The following EPHA5 variants were observed in gnomAD, a reference collection of about 807,000 sequenced individuals.
The protein encoded by EPHA5 is EPH receptor A5, also known as ephrin type-A receptor 5.
In EPHA5, 60 loss-of-function variants were observed where a neutral mutation model predicts 105.0. That is an observed-to-expected ratio of 0.57 (90% CI 0.46 to 0.71). The LOEUF is 0.71. EPHA5 is among the 30% of genes least tolerant of loss of function. The pLI is 0.00. For synonymous variants in EPHA5, 513 were observed against 449.1 expected (o/e 1.14, Z -1.80); for missense variants, 1,218 against 1,274.7 (o/e 0.96, Z 0.68).
intron 3 of EPHA5, among the ~76,000 whole-genome samples, chr4:65,580,815 T>C (rs992652621): frequency 1.8e-4 from 27 of 150,696 alleles, no homozygotes; most frequent in African/African-American, 6.3e-4. Flanking sequence ...CTTTGAAACA[T>C]CTACTTATTT....
intron 3 of EPHA5, among the ~76,000 whole-genome samples, chr4:65,554,761 A>G (rs1184240916): frequency 2.0e-5 from 3 of 151,788 alleles, no homozygotes; most frequent in African/African-American, 7.2e-5. Flanking sequence ...GAATTAGAGA[A>G]TTATTTTTCA....
chr4:65,389,161 A>C (rs576876447), intron 8 of EPHA5, among the ~76,000 whole-genome samples: 1 of 152,076 alleles, frequency 6.6e-6, no homozygotes, highest in African/African-American at 2.4e-5. Context: ...CCTTGCAGCA[A>C]ATTAGGAAAA....
chr4:65,491,784 CTTATTTGTATA>C (rs1413128530), intron 4 of EPHA5, among the ~76,000 whole-genome samples: 3 of 151,888 alleles, frequency 2.0e-5, no homozygotes, highest in Admixed American at 1.3e-4. Flanking sequence ...GTAACCATAT[CTTATTTGTATA>C]TTATTTTAAT....
chr4:65,328,873 T>A (rs1868846), intron 16 of EPHA5, among the ~76,000 whole-genome samples: 99,815 of 150,952 alleles, frequency 0.66, 35,332 homozygotes, highest in Non-Finnish European at 0.8. Context: ...AGTTAATAAA[T>A]CTATTTCAAT....
At chr4:65,626,463 TTTG>T (rs1267471258) in intron 2 of EPHA5, among the ~76,000 whole-genome samples, 1 of 152,188 alleles carries the variant, frequency 6.6e-6, no homozygotes, top group Non-Finnish European at 1.5e-5. Flanking sequence ...CAAATTTCAT[TTTG>T]TTGTAAACCT....
At chr4:65,498,262 A>G in intron 3 of EPHA5, among the ~76,000 whole-genome samples, 1 of 151,942 alleles carries the variant, frequency 6.6e-6, no homozygotes, top group East Asian at 1.9e-4. Flanking sequence ...ACCAGGCCAC[A>G]AAAACCTTAC....
At position 65,409,243 on chromosome 4, in the gene EPHA5, T is replaced by A. The variant is rs1433492227; in HGVS notation, c.1688-4764A>T. Among the ~76,000 whole-genome samples the A allele has an allele frequency of 1.6e-5, 2 of 126,630 alleles. 1 individual carries two copies. The highest frequency in any genetic ancestry group is 5.1e-4 in the East Asian group (2 of 3,940). The allele number at this position is 126,630 out of a possible 152,430, so 83.1% of individuals were successfully genotyped here. A position where few individuals can be genotyped will look rare whatever the true frequency, so the allele number is the denominator to read the frequency against. On this transcript the variant is annotated intron_variant, in intron 7 of 16. Coordinates refer to ENST00000613740, the MANE Select transcript of EPHA5 (RefSeq NM_001281766.3). ...ACTGGGAGATATACCTAATGCTAGA[T>A]GACGAGTTAGTGGGTGCAGCGCACC...
intron 5 of EPHA5, among the ~76,000 whole-genome samples, chr4:65,445,437 T>G (rs1034051757): frequency 6.6e-6 from 1 of 152,276 alleles, no homozygotes; most frequent in Non-Finnish European, 1.5e-5. Flanking sequence ...AAATGATGAA[T>G]AGCTGGAAGC....
At chr4:65,501,102 G>T (rs1008116739) in intron 3 of EPHA5, among the ~76,000 whole-genome samples, 7 of 151,308 alleles carry the variant, frequency 4.6e-5, no homozygotes, top group African/African-American at 1.5e-4. Flanking sequence ...TTTAGTGTGG[G>T]TTTAAAATAT....
At chr4:65,500,693 T>C (rs868482961) in intron 3 of EPHA5, among the ~76,000 whole-genome samples, 4 of 151,020 alleles carry the variant, frequency 2.6e-5, no homozygotes, top group East Asian at 1.9e-4. Context: ...TCAAAGTCAA[T>C]ACTCCAGAAA....
chr4:65,436,055 G>A (rs1162956073), intron 5 of EPHA5, among the ~76,000 whole-genome samples: 1 of 151,942 alleles, frequency 6.6e-6, no homozygotes, highest in African/African-American at 2.4e-5. Flanking sequence ...ACAACCCTTA[G>A]TAACGAAATA....
intron 3 of EPHA5, among the ~76,000 whole-genome samples, chr4:65,528,429 G>T (rs936572573): frequency 1.3e-5 from 2 of 151,498 alleles, no homozygotes; most frequent in African/African-American, 4.9e-5. Context: ...TATTTAATTC[G>T]CTTCTTCCTC....
intron 1 of EPHA5, among the ~76,000 whole-genome samples, chr4:65,651,806 T>G (rs1427588106): frequency 6.6e-6 from 1 of 152,138 alleles, no homozygotes; most frequent in East Asian, 1.9e-4. Flanking sequence ...TGTTTTGAAT[T>G]GTTAATAGCC....
Position 65,323,865 on chromosome 4 carries a change from TTAAGA to T in EPHA5, c.*244_*248del, listed in dbSNP as rs1392865846. Reference sequence around the variant, plus strand: ...GTGGGAAGGATTCTGTTGTTGTAACTTAAGATGATGTCTAACTTCATGTCCCTTTT... The same window carrying T: ...GTGGGAAGGATTCTGTTGTTGTAACTTGATGTCTAACTTCATGTCCCTTTT... On this transcript the variant is annotated 3_prime_UTR_variant, in exon 17 of 17. Coordinates refer to ENST00000613740, the MANE Select transcript of EPHA5 (RefSeq NM_001281766.3). 3.1e-6 allele frequency: 1 copy of T among 321,206 alleles called. No homozygotes were observed. The highest frequency in any genetic ancestry group is 2.1e-5 in the African/African-American group (1 of 46,866). 19.9% of individuals were successfully genotyped at this position (321,206 alleles called of 1,614,324 possible).
intron 15 of EPHA5, among the ~76,000 whole-genome samples, chr4:65,333,744 A>C (rs1720911619): frequency 6.7e-6 from 1 of 148,844 alleles, no homozygotes; most frequent in African/African-American, 2.5e-5. Context: ...AAAAGTATCT[A>C]CTTTTTAAAA....
chr4:65,557,258 A>ATATATATATATATATG lies in EPHA5; in HGVS notation c.910+44382_910+44383insCATATATATATATATA, dbSNP rs1297322719. 2.7e-3 allele frequency among the ~76,000 whole-genome samples: 396 copies of ATATATATATATATATG among 145,082 alleles called. 3 individuals carry two copies. The highest frequency in any genetic ancestry group is 9.7e-3 in the African/African-American group (384 of 39,728). ...GATATATATATATATATATATATAT[A>ATATATATATATATATG]TTCTCACACTTTGTTATTAACACTC... On this transcript the variant is annotated intron_variant, in intron 3 of 16. Coordinates refer to ENST00000613740, the MANE Select transcript of EPHA5 (RefSeq NM_001281766.3).
chr4:65,479,265 C>A (rs952649741), intron 5 of EPHA5, among the ~76,000 whole-genome samples: 2 of 152,054 alleles, frequency 1.3e-5, no homozygotes, highest in Non-Finnish European at 2.9e-5. Flanking sequence ...TGTGAAAAAC[C>A]TGAGGCCCTG....
chr4:65,477,309 A>G (rs1729916242), intron 5 of EPHA5, among the ~76,000 whole-genome samples: 1 of 152,184 alleles, frequency 6.6e-6, no homozygotes, highest in Non-Finnish European at 1.5e-5. Context: ...CATGATTCAG[A>G]GCATTCTGGC....
chr4:65,583,404 C>T (rs958127184), intron 3 of EPHA5, among the ~76,000 whole-genome samples: 5 of 151,784 alleles, frequency 3.3e-5, no homozygotes, highest in African/African-American at 1.2e-4. Context: ...GGACATTCGT[C>T]TTTAATCTTA....
Sources: gnomAD v4.1 joint callset for allele counts (sites outside exome capture counted in the v4.1 genomes callset) on GRCh38, gnomAD v4.1.1 for gene constraint, MANE v1.5 for transcripts, NCBI Gene and HGNC (gene_info 2026-07-23, HGNC 2026-07-21) for gene names.